The following SLC10A7 variants were observed in gnomAD, a reference collection of about 807,000 sequenced individuals.
SLC10A7 encodes solute carrier family 10 member 7, also known as sodium/bile acid cotransporter 7.
In SLC10A7, 29 loss-of-function variants were observed where a neutral mutation model predicts 43.2. The ratio of observed to expected loss-of-function variants is 0.67; its 90% CI spans 0.50 to 0.92. SLC10A7 has a LOEUF of 0.92. SLC10A7 is among the 40% of genes least tolerant of loss of function. SLC10A7 has a pLI of 0.00. For missense variants in SLC10A7, 295 were observed against 403.2 expected, an observed-to-expected ratio of 0.73 and a Z score of 2.30; for synonymous variants, 152 against 144.8, an observed-to-expected ratio of 1.05 and a Z score of -0.35.
intron 9 of SLC10A7, among the ~76,000 whole-genome samples, chr4:146,284,250 A>G (rs1729736330): frequency 6.6e-6 from 1 of 152,178 alleles, no homozygotes; most frequent in Non-Finnish European, 1.5e-5. Flanking sequence ...AATGTTCTAG[A>G]AACTGACTCC....
chr4:146,320,083 A>C (rs1194199572), intron 6 of SLC10A7, among the ~76,000 whole-genome samples: 1 of 152,092 alleles, frequency 6.6e-6, no homozygotes. Flanking sequence ...GGCAAGGAGA[A>C]GGTGTGAAAT....
At chr4:146,433,645 C>T (rs904762775) in intron 5 of SLC10A7, among the ~76,000 whole-genome samples, 1 of 152,032 alleles carries the variant, frequency 6.6e-6, no homozygotes, top group Admixed American at 6.6e-5. Flanking sequence ...GTGGGAGGAT[C>T]GCTTGAGCTC....
At chr4:146,352,099 TAA>T (rs1259010414) in intron 5 of SLC10A7, among the ~76,000 whole-genome samples, 1 of 105,204 alleles carries the variant, frequency 9.5e-6, no homozygotes, top group Non-Finnish European at 1.8e-5. Context: ...GCAAGTTGGA[TAA>T]AGAGTCAAGA....
Position 146,255,079 on chromosome 4 carries a change from TG to T in SLC10A7, c.*1411del, listed in dbSNP as rs1560735759. 2.0e-5 allele frequency: 3 copies of T among 152,242 alleles called. No individual in the cohort carries two copies. Among genetic ancestry groups the T allele is most frequent in the African/African-American group, 4.8e-5 (2 of 41,438 alleles). The allele number at this position is 152,242 out of a possible 1,614,324, so 9.4% of individuals were successfully genotyped here. A position where few individuals can be genotyped will look rare whatever the true frequency, so the allele number is the denominator to read the frequency against. On this transcript the variant is annotated 3_prime_UTR_variant, in exon 12 of 12. Coordinates refer to ENST00000335472, the MANE Select transcript of SLC10A7 (RefSeq NM_001029998.6). ...ATAATAACGAAACAACAAAAACAGC[TG>T]CTGAGGACATAGCACGGCCTCAGTG...
chr4:146,335,395 C>T (rs1733827573), intron 5 of SLC10A7, among the ~76,000 whole-genome samples: 1 of 151,638 alleles, frequency 6.6e-6, no homozygotes, highest in Admixed American at 6.6e-5. Context: ...TGCAGATGGG[C>T]TCGAATGGAT....
chr4:146,515,660 A>AATAGTGAGGATT (rs1389448118), intron 2 of SLC10A7, among the ~76,000 whole-genome samples: 1 of 152,140 alleles, frequency 6.6e-6, no homozygotes, highest in Non-Finnish European at 1.5e-5. Context: ...CTGTAATCCC[A>AATAGTGAGGATT]ACACTATGGG....
At chr4:146,289,162 T>C (rs1730233643) in intron 9 of SLC10A7, among the ~76,000 whole-genome samples, 1 of 152,220 alleles carries the variant, frequency 6.6e-6, no homozygotes, top group East Asian at 1.9e-4. Context: ...TGGGTGGCAC[T>C]GAACAAGCTA....
chr4:146,352,112 C>A (rs1201504168), intron 5 of SLC10A7, among the ~76,000 whole-genome samples: 1 of 104,662 alleles, frequency 9.6e-6, no homozygotes, highest in South Asian at 3.6e-4. Context: ...AGAGTCAAGA[C>A]CCATCAGTGT....
chr4:146,360,034 C>A (rs149579785), intron 5 of SLC10A7, among the ~76,000 whole-genome samples: 1 of 152,262 alleles, frequency 6.6e-6, no homozygotes, highest in Non-Finnish European at 1.5e-5. Context: ...GATTTCTAAC[C>A]TGTTCTTCTG....
intron 4 of SLC10A7, among the ~76,000 whole-genome samples, chr4:146,476,020 C>A (rs1733992952): frequency 6.6e-6 from 1 of 152,056 alleles, no homozygotes; most frequent in Non-Finnish European, 1.5e-5. Context: ...TACAGTTTAC[C>A]TCTTATTTCA....
chr4:146,285,216 T>A (rs1354393346), intron 9 of SLC10A7, among the ~76,000 whole-genome samples: 1 of 152,048 alleles, frequency 6.6e-6, no homozygotes, highest in Admixed American at 6.6e-5. Flanking sequence ...GACAGTAGAA[T>A]GACATAAGTA....
At chr4:146,390,448 G>C (rs192115682) in intron 5 of SLC10A7, among the ~76,000 whole-genome samples, 1 of 152,216 alleles carries the variant, frequency 6.6e-6, no homozygotes, top group East Asian at 1.9e-4. Flanking sequence ...AAGCAACATG[G>C]AGAAACCGTA....
intron 5 of SLC10A7, among the ~76,000 whole-genome samples, chr4:146,417,981 C>T (rs1330221083): frequency 6.6e-6 from 1 of 150,504 alleles, no homozygotes. Flanking sequence ...CCTGTGAGTT[C>T]TGAACAGACA....
At chr4:146,429,331 T>C (rs1167578632) in intron 5 of SLC10A7, among the ~76,000 whole-genome samples, 1 of 152,166 alleles carries the variant, frequency 6.6e-6, no homozygotes, top group African/African-American at 2.4e-5. Context: ...ATATACAAGA[T>C]ATTTTACAAT....
chr4:146,335,474 A>G (rs927040363), intron 5 of SLC10A7, among the ~76,000 whole-genome samples: 1 of 152,000 alleles, frequency 6.6e-6, no homozygotes, highest in African/African-American at 2.4e-5. Flanking sequence ...ATCTTTTATA[A>G]GAGGCAGAAA....
chr4:146,277,741 C>A (rs994187751), intron 10 of SLC10A7, among the ~76,000 whole-genome samples: 3 of 152,056 alleles, frequency 2.0e-5, no homozygotes, highest in African/African-American at 7.2e-5. Flanking sequence ...TACTGTGAAA[C>A]GGCAATGTGG....
At chr4:146,258,519 C>A (rs1414126515) in intron 11 of SLC10A7, among the ~76,000 whole-genome samples, 173 bp downstream of exon 11, 1 of 152,162 alleles carries the variant, frequency 6.6e-6, no homozygotes, top group Non-Finnish European at 1.5e-5. Flanking sequence ...AACCTCAACC[C>A]TCCTGTTCAA....
At chr4:146,450,171 C>G (rs374878736) in intron 4 of SLC10A7, among the ~76,000 whole-genome samples, 3 of 152,190 alleles carry the variant, frequency 2.0e-5, no homozygotes, top group South Asian at 2.1e-4. Flanking sequence ...ATTCAACCAA[C>G]CACAGATCAA....
At chr4:146,282,424 G>A (rs1466560477) in intron 10 of SLC10A7, among the ~76,000 whole-genome samples, 1 of 152,092 alleles carries the variant, frequency 6.6e-6, no homozygotes, top group East Asian at 1.9e-4. Flanking sequence ...AGTGACTCAT[G>A]TGCTAAAATG....
Sources: allele counts gnomAD v4.1 joint callset (sites outside exome capture counted in the v4.1 genomes callset), GRCh38; gene constraint gnomAD v4.1.1; transcripts MANE v1.5; gene names NCBI Gene and HGNC (gene_info 2026-07-23, HGNC 2026-07-21).